Variants in TMEM260 observed in about 807,000 individuals in gnomAD.
The protein encoded by TMEM260 is transmembrane protein 260.
TMEM260 carries 82 observed loss-of-function variants against 88.9 expected under a neutral mutation model. That is an observed-to-expected ratio of 0.92 (90% CI 0.77 to 1.11). The LOEUF (loss-of-function observed/expected upper bound fraction) is 1.11. Ranked by LOEUF, TMEM260 falls within the 50% of genes least tolerant of loss-of-function variation. The pLI is 0.00. For missense variants in TMEM260, 902 were observed against 853.4 expected (o/e 1.06, Z -0.71); for synonymous variants, 314 against 309.3 (o/e 1.02, Z -0.16).
intron 15 of TMEM260, among the ~76,000 whole-genome samples, chr14:56,638,581 A>T (rs954985875): frequency 3.9e-5 from 6 of 152,084 alleles, no homozygotes; most frequent in African/African-American, 1.4e-4. Context: ...GTGAATACAG[A>T]TTATTGGTAT....
chr14:56,595,329 AGG>A (rs1188514720), intron 3 of TMEM260, among the ~76,000 whole-genome samples: 15 of 152,034 alleles, frequency 9.9e-5, no homozygotes, highest in Non-Finnish European at 2.2e-4. Flanking sequence ...ATTGATATGG[AGG>A]GTTCATTGTT....
chr14:56,584,441 G>A lies in TMEM260; in HGVS notation c.161-560G>A, dbSNP rs74052015. 8.6e-3 allele frequency among the ~76,000 whole-genome samples: 1,305 copies of A among 152,132 alleles called. 27 individuals are homozygous for A. The highest frequency in any genetic ancestry group is 0.03 in the African/African-American group (1,259 of 41,534). ...GACTATGTAAAGAATATTATTTAAT[G>A]GTTTGAAAAAATGTCTTACAGTGAA... On this transcript the variant is annotated intron_variant, in intron 1 of 15. Coordinates refer to ENST00000261556, the MANE Select transcript of TMEM260 (RefSeq NM_017799.4).
At chr14:56,599,245 T>G (rs1886423344) in intron 3 of TMEM260, among the ~76,000 whole-genome samples, 1 of 152,162 alleles carries the variant, frequency 6.6e-6, no homozygotes, top group Admixed American at 6.6e-5. Flanking sequence ...CCTTTTGCCC[T>G]CCTGTCCCTC....
In TMEM260 at chr14:56,580,070, C is replaced by T. The variant is rs573038041; in HGVS notation, c.156C>T (p.Asp52=). 2 of 1,251,864 alleles carry T rather than the reference C, an allele frequency of 1.6e-6. No homozygotes were observed. Among genetic ancestry groups the T allele is most frequent in the Admixed American group, 4.1e-5 (1 of 24,204 alleles). The allele number at this position is 1,251,864 out of a possible 1,614,324, so 77.5% of individuals were successfully genotyped here. The change falls in exon 1 of 16, where the codon GAC becomes GAT. Residue 52 remains aspartate, a synonymous_variant. Coordinates refer to ENST00000261556, the MANE Select transcript of TMEM260 (RefSeq NM_017799.4). The stretch of plus-strand genomic sequence containing the variant: ...TGCCCCCTTCGGTACCGGGGGGAGA[C>T]TCCGGTAAAGTACTCGCAGGGTTGC... ...FTLPPSVPGG[D]SGELITAAHE... is the part of the protein sequence containing the mutation.
At chr14:56,658,646 AAG>A in the TMEM260 span, among the ~76,000 whole-genome samples, 2 of 152,194 alleles carry the variant, frequency 1.3e-5, no homozygotes, top group Non-Finnish European at 2.9e-5. Flanking sequence ...AAGGAAAGAC[AAG>A]AGAGTGTCCT....
Position 56,640,895 on chromosome 14 carries a change from C to CA in TMEM260, c.1869+4298dup. Among the ~76,000 whole-genome samples the CA allele has an allele frequency of 2.0e-5, 3 of 152,230 alleles. 1 individual carries two copies. The South Asian group carries it at 6.2e-4, about 32-fold the overall frequency. Reference sequence around the variant, plus strand: ...TGCGATCAACTGGAAGAAAGGGTATCAGCGATGGACAATGAAATGAATGAA... The same window carrying CA: ...TGCGATCAACTGGAAGAAAGGGTATCAAGCGATGGACAATGAAATGAATGAA... On this transcript the variant is annotated intron_variant, in intron 15 of 15. Coordinates refer to ENST00000261556, the MANE Select transcript of TMEM260 (RefSeq NM_017799.4).
intron 1 of TMEM260, among the ~76,000 whole-genome samples, chr14:56,583,514 T>C (rs1354132675): frequency 1.3e-5 from 2 of 152,016 alleles, no homozygotes; most frequent in African/African-American, 4.8e-5. Flanking sequence ...GAGGTGGTGG[T>C]ATCCTGGCAC....
intron 15 of TMEM260, among the ~76,000 whole-genome samples, chr14:56,639,763 G>C (rs1889424751): frequency 1.3e-5 from 2 of 152,180 alleles, no homozygotes; most frequent in African/African-American, 2.4e-5. Flanking sequence ...ACAGCACCTG[G>C]AAAATCGGGT....
intron 3 of TMEM260, among the ~76,000 whole-genome samples, chr14:56,590,749 G>A (rs1052975647): frequency 2.6e-5 from 4 of 152,202 alleles, no homozygotes; most frequent in Admixed American, 6.5e-5. Context: ...TGATAACAGT[G>A]CAGCTCTCCA....
At chr14:56,602,664 A>C (rs1173997482) in intron 3 of TMEM260, among the ~76,000 whole-genome samples, 2 of 152,230 alleles carry the variant, frequency 1.3e-5, no homozygotes, top group East Asian at 3.9e-4. Context: ...AGGAAGAAAT[A>C]ATAATGTGTT....
intron 11 of TMEM260, among the ~76,000 whole-genome samples, chr14:56,622,200 G>A (rs1046094025): frequency 3.3e-5 from 5 of 150,670 alleles, no homozygotes; most frequent in African/African-American, 9.8e-5. Context: ...AAAATTAGCC[G>A]GGTGTGGTGG....
chr14:56,596,794 A>AAAAATATATAT lies in TMEM260; in HGVS notation c.345-7020_345-7019insAAATATATATA, dbSNP rs59623466. Among the ~76,000 whole-genome samples, 508 of 136,258 alleles carry AAAAATATATAT rather than the reference A, an allele frequency of 3.7e-3. 3 individuals are homozygous for AAAAATATATAT. Among genetic ancestry groups the AAAAATATATAT allele is most frequent in the African/African-American group, 0.014 (493 of 35,878 alleles). 89.4% of individuals were successfully genotyped at this position (136,258 alleles called of 152,430 possible). On this transcript the variant is annotated intron_variant, in intron 3 of 15. Coordinates refer to ENST00000261556, the MANE Select transcript of TMEM260 (RefSeq NM_017799.4). ...AAAAAAAAAAAAAATTAAAAAAAAA[A>AAAAATATATAT]ATATATATATATACACACACACACC...
At chr14:56,635,172 G>A (rs1888946933) in intron 14 of TMEM260, among the ~76,000 whole-genome samples, 1 of 152,146 alleles carries the variant, frequency 6.6e-6, no homozygotes, top group Admixed American at 6.5e-5. Flanking sequence ...TTTTATAAAA[G>A]AACAAACTGG....
At chr14:56,639,008 C>T (rs1228180068) in intron 15 of TMEM260, among the ~76,000 whole-genome samples, 1 of 152,106 alleles carries the variant, frequency 6.6e-6, no homozygotes, top group African/African-American at 2.4e-5. Flanking sequence ...GTGTCAGTAA[C>T]AAAATATTCC....
downstream of TMEM260, among the ~76,000 whole-genome samples, chr14:56,652,515 TAA>T (rs1264547361): frequency 1.3e-5 from 2 of 150,686 alleles, no homozygotes; most frequent in Non-Finnish European, 3.0e-5. Context: ...AAAATTATTA[TAA>T]AAACTCAAGA....
At chr14:56,649,697 AC>A (rs1384213745), downstream of TMEM260, among the ~76,000 whole-genome samples, 1 of 146,972 alleles carries the variant, frequency 6.8e-6, no homozygotes, top group Admixed American at 6.7e-5. Context: ...GCAAATGAAG[AC>A]CTCTTTTTGA....
At chr14:56,650,354 G>A, downstream of TMEM260, 1 of 245,000 alleles carries the variant, frequency 4.1e-6, no homozygotes, top group Non-Finnish European at 8.2e-6. Context: ...CAGAGGGCAA[G>A]TGGAGAAGCG....
the TMEM260 span, among the ~76,000 whole-genome samples, chr14:56,656,850 C>A: frequency 6.6e-6 from 1 of 151,808 alleles, no homozygotes; most frequent in African/African-American, 2.4e-5. Flanking sequence ...GAAATCAGTC[C>A]CATTAATAAG....
At position 56,605,582 on chromosome 14, in the gene TMEM260, G is replaced by T; in HGVS notation, c.535G>T (p.Gly179Cys). Residue 179 changes from glycine to cysteine, a missense_variant, in exon 5 of 16, where the codon GGT becomes TGT. Physicochemically the swap from Gly to Cys is radical, Grantham distance 159. Transcript: ENST00000261556. ...AATTTATTTTCAGGTAGCTAAAATT[G>T]GTGCTTTCTGCTGTGGCCTTAGTTT... ...AKERSKVAKI[G>C]AFCCGLSLCN... The T allele has an allele frequency of 3.3e-6, 5 of 1,511,056 alleles. No homozygotes were observed. Among genetic ancestry groups the T allele is most frequent in the South Asian group, 1.4e-5 (1 of 70,850 alleles). 93.6% of individuals were successfully genotyped at this position (1,511,056 alleles called of 1,614,324 possible).
Sources: gnomAD v4.1 joint callset for allele counts (sites outside exome capture counted in the v4.1 genomes callset) on GRCh38, gnomAD v4.1.1 for gene constraint, MANE v1.5 for transcripts, NCBI Gene and HGNC (gene_info 2026-07-23, HGNC 2026-07-21) for gene names.